FOXP2: variants seen among roughly 807,000 people sequenced by gnomAD.
The protein encoded by FOXP2 is forkhead box P2, also known as forkhead box protein P2.
Under a neutral mutation model 115.8 loss-of-function variants are expected in FOXP2, and 12 were observed. The observed-to-expected ratio is 0.10, with a 90% CI of 0.07 to 0.17. The LOEUF is 0.17. Among genes scored for constraint, FOXP2 ranks in the 10% least tolerant of loss-of-function variants. FOXP2 has a pLI of 1.00. For synonymous variants in FOXP2, 328 were observed against 297.7 expected (o/e 1.10, Z -1.05); for missense variants, 629 against 843.5 (o/e 0.75, Z 3.15).
intron 2 of FOXP2, among the ~76,000 whole-genome samples, chr7:114,465,256 C>G (rs758267653): frequency 6.6e-6 from 1 of 152,154 alleles, no homozygotes; most frequent in Non-Finnish European, 1.5e-5. Context: ...TGAGCCACAA[C>G]GTCTAGCCTT....
chr7:114,527,516 T>G (rs1377094755), intron 2 of FOXP2, among the ~76,000 whole-genome samples: 1 of 152,144 alleles, frequency 6.6e-6, no homozygotes, highest in African/African-American at 2.4e-5. Flanking sequence ...ACCAACAATC[T>G]AATAAACTCC....
At chr7:114,604,565 CT>C (rs1323291023) in intron 3 of FOXP2, among the ~76,000 whole-genome samples, 1 of 152,044 alleles carries the variant, frequency 6.6e-6, no homozygotes, top group Non-Finnish European at 1.5e-5. Context: ...TCATAAATAA[CT>C]TTCTATACGT....
At position 114,690,654 on chromosome 7, in the gene FOXP2, T is replaced by C. The variant is rs904949782; in HGVS notation, c.*728T>C. On this transcript the variant is annotated 3_prime_UTR_variant, in exon 17 of 17. Coordinates refer to ENST00000350908, the MANE Select transcript of FOXP2 (RefSeq NM_014491.4). ...ATCTGTGCAAGCACCATAGAAACAT[T>C]TGCATATCTGCATAGATCTTACAAC... 2.2e-6 allele frequency: 1 copy of C among 454,360 alleles called. No homozygotes were observed. Among genetic ancestry groups the C allele is most frequent in the Non-Finnish European group, 4.4e-6 (1 of 226,772 alleles). The allele number at this position is 454,360 out of a possible 1,614,324, so 28.1% of individuals were successfully genotyped here.
At chr7:114,425,512 C>A (rs998067952) in intron 1 of FOXP2, among the ~76,000 whole-genome samples, 1 of 151,586 alleles carries the variant, frequency 6.6e-6, no homozygotes, top group East Asian at 1.9e-4. Flanking sequence ...AGGATTTCCA[C>A]TGATCTTGGC....
In FOXP2 at chr7:114,415,088, A is replaced by G. The variant is rs1297149648; in HGVS notation, c.-283A>G. The G allele has an allele frequency of 4.4e-6, 2 of 454,138 alleles. No individual in the cohort carries two copies. The highest frequency in any genetic ancestry group is 2.0e-5 in the African/African-American group (1 of 49,970). The allele number at this position is 454,138 out of a possible 1,614,324, so 28.1% of individuals were successfully genotyped here. A position where few individuals can be genotyped will look rare whatever the true frequency, so the allele number is the denominator to read the frequency against. On this transcript the variant is annotated 5_prime_UTR_variant, in exon 1 of 17. Coordinates refer to ENST00000350908, the MANE Select transcript of FOXP2 (RefSeq NM_014491.4). ...GTGTACGATTGTCCACGGACGCCAA[A>G]ACAATCACAGAGCTGCTTGATTTGT...
chr7:114,137,309 A>G (rs993773332), intron 1 of FOXP2, among the ~76,000 whole-genome samples: 1 of 152,166 alleles, frequency 6.6e-6, no homozygotes, highest in African/African-American at 2.4e-5. Flanking sequence ...TGACTTTTAA[A>G]GTAACATTCA....
chr7:114,614,495 A>AT (rs568774533), intron 3 of FOXP2, among the ~76,000 whole-genome samples: 5 of 151,868 alleles, frequency 3.3e-5, no homozygotes, highest in African/African-American at 7.3e-5. Flanking sequence ...TACTATGAAG[A>AT]TTTTTTTTAA....
intron 2 of FOXP2, chr7:114,366,716 C>CACA (rs1416929149): frequency 1.3e-5 from 2 of 152,262 alleles, no homozygotes; most frequent in African/African-American, 4.8e-5. Context: ...TTTAAGCTGT[C>CACA]ACATCCTTAT....
At chr7:114,397,365 C>T (rs771981549) in intron 2 of FOXP2, among the ~76,000 whole-genome samples, 2 of 151,962 alleles carry the variant, frequency 1.3e-5, no homozygotes, top group Non-Finnish European at 2.9e-5. Flanking sequence ...TTCCTGTTTT[C>T]GTGGAACCTG....
intron 1 of FOXP2, among the ~76,000 whole-genome samples, chr7:114,172,846 T>C (rs1793183818): frequency 6.6e-6 from 1 of 152,136 alleles, no homozygotes; most frequent in Non-Finnish European, 1.5e-5. Context: ...TCTGTCAACA[T>C]TGAATATTCA....
In FOXP2 at chr7:114,469,949, C is replaced by G. The variant is rs74702015; in HGVS notation, c.168+43270C>G. On this transcript the variant is annotated intron_variant, in intron 2 of 16. Coordinates refer to ENST00000350908, the MANE Select transcript of FOXP2 (RefSeq NM_014491.4). Reference sequence around the variant, plus strand: ...TTTTGTTATTATCACATCATACTTACGATAGTCCATATTGTTCTTAATTAG... The same window carrying G: ...TTTTGTTATTATCACATCATACTTAGGATAGTCCATATTGTTCTTAATTAG... Among the ~76,000 whole-genome samples the G allele has an allele frequency of 1.3e-3, 195 of 152,180 alleles. 4 individuals are homozygous for G. In the East Asian group the frequency reaches 0.033, roughly 25 times the overall value.
intron 1 of FOXP2, among the ~76,000 whole-genome samples, chr7:114,089,709 G>A (rs1277646747): frequency 1.3e-5 from 2 of 151,760 alleles, no homozygotes; most frequent in African/African-American, 4.8e-5. Context: ...AAATAGGGAG[G>A]AAATAGTTGT....
intron 2 of FOXP2, among the ~76,000 whole-genome samples, chr7:114,448,327 G>C (rs1046316650): frequency 1.3e-5 from 2 of 152,024 alleles, no homozygotes; most frequent in African/African-American, 2.4e-5. Flanking sequence ...TTGAAGCTTA[G>C]ACTTTATATC....
At chr7:114,201,718 A>G (rs1241835260) in intron 1 of FOXP2, among the ~76,000 whole-genome samples, 2 of 152,214 alleles carry the variant, frequency 1.3e-5, no homozygotes, top group African/African-American at 4.8e-5. Flanking sequence ...AAATGTTGAA[A>G]TCATGTTAAA....
In FOXP2 at chr7:114,689,966, C is replaced by G. The variant is rs778103695; in HGVS notation, c.*40C>G. 1.2e-6 allele frequency: 2 copies of G among 1,607,796 alleles called. No individual in the cohort carries two copies. Among genetic ancestry groups the G allele is most frequent in the Non-Finnish European group, 1.7e-6 (2 of 1,176,168 alleles). On this transcript the variant is annotated 3_prime_UTR_variant, in exon 17 of 17. Coordinates refer to ENST00000350908, the MANE Select transcript of FOXP2 (RefSeq NM_014491.4). ...AACCTCAGCGTGAAGGGACATATCA[C>G]TGACCTTCATAACCACTCCACAACC...
chr7:114,423,837 T>C (rs1364446266), intron 1 of FOXP2, among the ~76,000 whole-genome samples: 1 of 151,584 alleles, frequency 6.6e-6, no homozygotes, highest in Admixed American at 6.6e-5. Context: ...GAAAAATTCC[T>C]CCTTTATAGT....
chr7:114,454,954 G>T (rs1244542179), intron 2 of FOXP2, among the ~76,000 whole-genome samples: 5 of 143,878 alleles, frequency 3.5e-5, no homozygotes, highest in Admixed American at 7.0e-5. Context: ...CACCAGCATG[G>T]CACATGTATA....
At chr7:114,178,733 G>A (rs1295916214) in intron 1 of FOXP2, among the ~76,000 whole-genome samples, 5 of 151,790 alleles carry the variant, frequency 3.3e-5, no homozygotes, top group African/African-American at 4.8e-5. Flanking sequence ...ATTAGTTTAC[G>A]TGTTACTATT....
In FOXP2 at chr7:114,325,369, G is replaced by GATTAAAC. The variant is rs1040795057; in HGVS notation, c.-11+37264_-11+37270dup. The stretch of plus-strand genomic sequence containing the variant: ...CTCTGGTATCCTTTCTTTCAGATAA[G>GATTAAAC]ATTAAACATTTTTTCTCTAAAAAAT... On this transcript the variant is annotated intron_variant, in intron 2 of 17. Coordinates refer to the FOXP2 transcript ENST00000634411. Among the ~76,000 whole-genome samples the GATTAAAC allele has an allele frequency of 1.9e-4, 29 of 151,818 alleles. No homozygotes were observed. The Middle Eastern group carries it at 0.017, about 90-fold the overall frequency.
Sources: allele counts gnomAD v4.1 joint callset (sites outside exome capture counted in the v4.1 genomes callset), GRCh38; gene constraint gnomAD v4.1.1; transcripts MANE v1.5; gene names NCBI Gene and HGNC (gene_info 2026-07-23, HGNC 2026-07-21).